CDC42BPA: variants seen among roughly 807,000 people sequenced by gnomAD.
CDC42BPA encodes the protein CDC42 binding protein kinase alpha.
A neutral mutation model predicts 223.5 loss-of-function variants in CDC42BPA; 80 were observed. The ratio of observed to expected loss-of-function variants is 0.36; its 90% CI spans 0.30 to 0.43. The LOEUF is 0.43. Ranked by LOEUF, CDC42BPA falls within the 20% of genes least tolerant of loss-of-function variation. The pLI is 1.00. For missense variants in CDC42BPA, 1,743 were observed against 2,099.9 expected (o/e 0.83, Z 3.32); for synonymous variants, 694 against 718.6 (o/e 0.97, Z 0.55).
intron 21 of CDC42BPA, among the ~76,000 whole-genome samples, chr1:227,052,956 CAAAACTAAGTG>C (rs1397881364): frequency 6.6e-6 from 1 of 152,062 alleles, no homozygotes; most frequent in Non-Finnish European, 1.5e-5. Flanking sequence ...CCCTTGTACT[CAAAACTAAGTG>C]AAAAGCAAAA....
In CDC42BPA at chr1:227,132,341, C is replaced by T. The variant is rs549591606; in HGVS notation, c.1391-3110G>A. On this transcript the variant is annotated intron_variant, in intron 10 of 36. Transcript: ENST00000366766. ...GGAGACGGGGTTTCGCTGTGTTGGC[C>T]GGGCTGGTCTCCAGCTCCTAACCGC... 2.0e-3 allele frequency among the ~76,000 whole-genome samples: 301 copies of T among 152,174 alleles called. 2 individuals carry two copies. Among genetic ancestry groups the T allele is most frequent in the African/African-American group, 6.6e-3 (276 of 41,524 alleles).
At chr1:227,026,588 G>A (rs941465612) in intron 30 of CDC42BPA, among the ~76,000 whole-genome samples, 4 of 152,280 alleles carry the variant, frequency 2.6e-5, no homozygotes, top group African/African-American at 9.6e-5. Flanking sequence ...CATGAATAGG[G>A]TAGATGCTCA....
At chr1:227,061,441 G>A (rs1675909349) in intron 21 of CDC42BPA, among the ~76,000 whole-genome samples, 1 of 152,182 alleles carries the variant, frequency 6.6e-6, no homozygotes, top group Non-Finnish European at 1.5e-5. Context: ...TGTAGAAGAT[G>A]GATCAACTTG....
chr1:227,165,401 G>A (rs1043193385), intron 5 of CDC42BPA, among the ~76,000 whole-genome samples: 2 of 152,112 alleles, frequency 1.3e-5, no homozygotes, highest in Non-Finnish European at 2.9e-5. Context: ...TGATGTACTC[G>A]AATACTTGAA....
At chr1:227,013,674 T>C (rs1218622243) in intron 34 of CDC42BPA, among the ~76,000 whole-genome samples, 1 of 152,138 alleles carries the variant, frequency 6.6e-6, no homozygotes, top group Admixed American at 6.5e-5. Context: ...TCTAGCTACA[T>C]TGTTGGAATG....
chr1:227,082,165 T>C (rs1355460512), intron 16 of CDC42BPA, among the ~76,000 whole-genome samples: 1 of 152,040 alleles, frequency 6.6e-6, no homozygotes, highest in African/African-American at 2.4e-5. Context: ...GTAGCTGGGA[T>C]TACAGCTAAA....
intron 24 of CDC42BPA, among the ~76,000 whole-genome samples, chr1:227,038,690 G>T (rs1054196898): frequency 1.3e-5 from 2 of 152,164 alleles, no homozygotes; most frequent in African/African-American, 4.8e-5. Flanking sequence ...AATGTTCAAC[G>T]GAAATTTTAA....
intron 14 of CDC42BPA, among the ~76,000 whole-genome samples, chr1:227,101,722 T>C (rs181741287): frequency 9.2e-5 from 14 of 152,226 alleles, no homozygotes; most frequent in Non-Finnish European, 1.3e-4. Flanking sequence ...CCTTTTGCAA[T>C]AGTCCTGTGA....
intron 21 of CDC42BPA, among the ~76,000 whole-genome samples, chr1:227,061,202 C>T (rs1675861213): frequency 6.6e-6 from 1 of 151,940 alleles, no homozygotes; most frequent in African/African-American, 2.4e-5. Context: ...ATGGGAAGAA[C>T]CTCTCTCATT....
intron 1 of CDC42BPA, among the ~76,000 whole-genome samples, chr1:227,283,949 C>T (rs11803651): frequency 2.6e-5 from 4 of 151,960 alleles, no homozygotes; most frequent in South Asian, 4.1e-4. Flanking sequence ...TCCCAGCACT[C>T]GGGAGGCTGG....
At position 227,040,178 on chromosome 1, in the gene CDC42BPA, C is replaced by T; in HGVS notation, c.3152G>A (p.Cys1051Tyr). Residue 1051 changes from cysteine to tyrosine, a missense_variant, in exon 24 of 37, where the codon TGT becomes TAT. Coordinates refer to ENST00000366766, the MANE Select transcript of CDC42BPA (RefSeq NM_001394014.1). Reference protein sequence around the residue: ...SFTTPTKCHQCTSLMVGLIRQ... With the variant: ...SFTTPTKCHQYTSLMVGLIRQ... ...TATTAAACCCACCATCAAGGAGGTA[C>T]ACTGATGACACTTGGTAGGAGTAGT... is the stretch of plus-strand genomic sequence containing the variant. The T allele has an allele frequency of 6.2e-7, 1 of 1,613,314 alleles. No homozygotes were observed. Among genetic ancestry groups the T allele is most frequent in the Non-Finnish European group, 8.5e-7 (1 of 1,179,420 alleles).
chr1:227,115,984 A>G (rs1687723411), intron 12 of CDC42BPA, among the ~76,000 whole-genome samples: 1 of 152,142 alleles, frequency 6.6e-6, no homozygotes, highest in Non-Finnish European at 1.5e-5. Flanking sequence ...GTCTGGAGCT[A>G]AACTCCTTGT....
intron 14 of CDC42BPA, among the ~76,000 whole-genome samples, chr1:227,109,662 G>A (rs114886350): frequency 7.2e-5 from 11 of 151,974 alleles, no homozygotes; most frequent in African/African-American, 2.7e-4. Context: ...CACCGCACCT[G>A]GCTATCTTTC....
chr1:227,081,103 A>G, intron 16 of CDC42BPA, 86 bp from the exon 17 acceptor site: 10 of 1,312,900 alleles, frequency 7.6e-6, no homozygotes, highest in Non-Finnish European at 1.1e-5. Flanking sequence ...TGATTACTCA[A>G]CATCATCTAC....
intron 1 of CDC42BPA, among the ~76,000 whole-genome samples, chr1:227,309,252 T>C (rs1573002989): frequency 6.6e-6 from 1 of 151,328 alleles, no homozygotes; most frequent in Non-Finnish European, 1.5e-5. Context: ...TATTCCCCTA[T>C]ATGCTGTCTG....
chr1:227,263,108 C>T (rs1235759972), intron 1 of CDC42BPA, among the ~76,000 whole-genome samples: 1 of 152,142 alleles, frequency 6.6e-6, no homozygotes, highest in Non-Finnish European at 1.5e-5. Context: ...TGGCACACGC[C>T]TGTAATCCCA....
At chr1:227,133,827 G>A (rs1357280364) in intron 10 of CDC42BPA, among the ~76,000 whole-genome samples, 5 of 151,934 alleles carry the variant, frequency 3.3e-5, no homozygotes, top group African/African-American at 4.8e-5. Context: ...CAAACACTGC[G>A]GAAGGCCGCA....
chr1:227,076,312 A>G (rs1679465238), intron 17 of CDC42BPA, among the ~76,000 whole-genome samples: 1 of 152,150 alleles, frequency 6.6e-6, no homozygotes, highest in Non-Finnish European at 1.5e-5. Flanking sequence ...GCTAAAGTAC[A>G]GTGGCACAAT....
intron 6 of CDC42BPA, among the ~76,000 whole-genome samples, chr1:227,160,273 A>C (rs999928996): frequency 6.6e-6 from 1 of 152,220 alleles, no homozygotes; most frequent in South Asian, 2.1e-4. Context: ...AGAAGTCACC[A>C]ACTAAAGAAG....
Sources: allele counts gnomAD v4.1 joint callset (sites outside exome capture counted in the v4.1 genomes callset), GRCh38; gene constraint gnomAD v4.1.1; transcripts MANE v1.5; gene names NCBI Gene and HGNC (gene_info 2026-07-23, HGNC 2026-07-21).